Variants in TNFRSF10B observed in about 807,000 individuals in gnomAD.
The protein encoded by TNFRSF10B is TNF receptor superfamily member 10b.
TNFRSF10B carries 35 observed loss-of-function variants against 41.4 expected under a neutral mutation model. The observed-to-expected ratio is 0.85, with a 90% confidence interval of 0.65 to 1.12. The LOEUF is 1.12. Ranked by LOEUF, TNFRSF10B falls within the 50% of genes most tolerant of loss-of-function variation. The pLI is 0.00. For missense variants in TNFRSF10B, 584 were observed against 552.7 expected (o/e 1.06, Z -0.57); for synonymous variants, 230 against 215.5 (o/e 1.07, Z -0.59).
rs116775926 is a variant in TNFRSF10B at position 23,039,179 on chromosome 8, C to T, written c.250+3959G>A. Among the ~76,000 whole-genome samples, 813 of 151,984 alleles carry T rather than the reference C, an allele frequency of 5.3e-3. 8 individuals are homozygous for T. Among genetic ancestry groups the T allele is most frequent in the African/African-American group, 0.018 (733 of 41,440 alleles). On this transcript the variant is annotated intron_variant, in intron 2 of 8. Transcript: ENST00000276431. ...ACGCTCCTATGAAGTCTAATGCTGC[C>T]GCTGATTTGACGGCATGCAGAGCTC...
chr8:23,033,933 C>T (rs1811959580), intron 2 of TNFRSF10B, among the ~76,000 whole-genome samples: 2 of 152,138 alleles, frequency 1.3e-5, no homozygotes, highest in Admixed American at 1.3e-4. Flanking sequence ...TTCCCAAAGG[C>T]ACCATCTCCA....
Position 23,028,576 on chromosome 8 carries a change from C to A in TNFRSF10B, c.503G>T (p.Gly168Val). ...TGCPRGMVKVGDCTPWSDIEC... is the reference protein window; with the variant it reads ...TGCPRGMVKVVDCTPWSDIEC... Reference sequence around the variant, plus strand: ...GATGTCACTCCAGGGTGTACAATCACCGACCTTGACCATCCCTCTGGGACA... The same window carrying A: ...GATGTCACTCCAGGGTGTACAATCAACGACCTTGACCATCCCTCTGGGACA... The change falls in exon 5 of 9, where the codon GGT becomes GTT. Residue 168 changes from glycine (G) to valine (V), a missense_variant. Physicochemically the swap from Gly to Val is moderately radical, Grantham distance 109. Coordinates refer to ENST00000276431, the MANE Select transcript of TNFRSF10B (RefSeq NM_003842.5). 6.2e-7 allele frequency: 1 copy of A among 1,614,110 alleles called. No homozygotes were observed. Among genetic ancestry groups the A allele is most frequent in the African/African-American group, 1.3e-5 (1 of 75,028 alleles).
At chr8:23,064,061 C>T (rs1021436586) in intron 1 of TNFRSF10B, among the ~76,000 whole-genome samples, 3 of 152,234 alleles carry the variant, frequency 2.0e-5, no homozygotes, top group South Asian at 2.1e-4. Flanking sequence ...CGTGGAGTAT[C>T]GGGAACATGG....
chr8:23,029,414 G>A (rs1811810601), intron 4 of TNFRSF10B, among the ~76,000 whole-genome samples, 196 bp downstream of exon 4: 1 of 152,088 alleles, frequency 6.6e-6, no homozygotes, highest in African/African-American at 2.4e-5. Flanking sequence ...CTGGTCAAGG[G>A]GACTCGTGCT....
At chr8:23,043,877 G>A (rs533870110) in intron 1 of TNFRSF10B, among the ~76,000 whole-genome samples, 4 of 152,294 alleles carry the variant, frequency 2.6e-5, no homozygotes, top group Admixed American at 1.3e-4. Context: ...AACCTAGATG[G>A]TGTATCCTAT....
intron 4 of TNFRSF10B, 35 bp downstream of exon 4, chr8:23,029,575 A>C (rs1165295922): frequency 3.7e-5 from 58 of 1,579,384 alleles, no homozygotes; most frequent in Non-Finnish European, 5.0e-5. Flanking sequence ...TTGGGGTTCC[A>C]TGGAGCTACT....
intron 4 of TNFRSF10B, 23 bp from the exon 5 acceptor site, chr8:23,028,625 A>G: frequency 3.1e-6 from 5 of 1,613,228 alleles, no homozygotes; most frequent in Non-Finnish European, 4.2e-6. Flanking sequence ...ACAGAGGGAG[A>G]GGGGGGACTC....
At chr8:23,043,714 T>G (rs777125298) in intron 1 of TNFRSF10B, among the ~76,000 whole-genome samples, 1 of 152,204 alleles carries the variant, frequency 6.6e-6, no homozygotes, top group African/African-American at 2.4e-5. Context: ...AAACATTAAA[T>G]AGTGAACTTC....
rs1032344622 is a variant in TNFRSF10B, at chr8:23,029,857, A to C, written c.365-136T>G. 2.0e-5 allele frequency: 16 copies of C among 788,294 alleles called. No individual in the cohort carries two copies. The Middle Eastern group carries it at 2.7e-3, about 135-fold the overall frequency. 48.8% of individuals were successfully genotyped at this position (788,294 alleles called of 1,614,324 possible). A position where few individuals can be genotyped will look rare whatever the true frequency, so the allele number is the denominator to read the frequency against. ...TCTGAGGGCCAGTTTCTGCACCAGC[A>C]CACTCATGGCTCATTCAGGATACCC... On this transcript the variant is annotated intron_variant, in intron 3 of 8. Coordinates refer to ENST00000276431, the MANE Select transcript of TNFRSF10B (RefSeq NM_003842.5).
At position 23,040,250 on chromosome 8, in the gene TNFRSF10B, AAATATATATTTATTAAATATATATAT is replaced by A. The variant is rs1400826562; in HGVS notation, c.250+2862_250+2887del. ...TAAGATATATACTAAGTATATATTT[AAATATATATTTATTAAATATATATAT>A]AATATATATTTATTAAATATATATA... On this transcript the variant is annotated intron_variant, in intron 2 of 8. Coordinates refer to ENST00000276431, the MANE Select transcript of TNFRSF10B (RefSeq NM_003842.5). Among the ~76,000 whole-genome samples, 7 of 143,232 alleles carry A rather than the reference AAATATATATTTATTAAATATATATAT, an allele frequency of 4.9e-5. 1 individual carries two copies. The highest frequency in any genetic ancestry group is 7.9e-5 in the African/African-American group (3 of 38,008). The allele number at this position is 143,232 out of a possible 152,430, so 94.0% of individuals were successfully genotyped here.
chr8:23,041,603 TAAA>T (rs199893473), intron 2 of TNFRSF10B, among the ~76,000 whole-genome samples: 61 of 121,238 alleles, frequency 5.0e-4, no homozygotes, highest in East Asian at 7.1e-4. Context: ...CTCAATGATT[TAAA>T]AAAAAAAAAA....
rs34761330 is a variant in TNFRSF10B at position 23,055,521 on chromosome 8, T to TAAAAAAAA, written c.145-12286_145-12279dup. ...GTGCTTAAGTTAACTATTAAATGCT[T>TAAAAAAAA]AAAAAAAAAAAAAAAAAAGCCAGTG... On this transcript the variant is annotated intron_variant, in intron 1 of 8. Coordinates refer to ENST00000276431, the MANE Select transcript of TNFRSF10B (RefSeq NM_003842.5). Among the ~76,000 whole-genome samples, 561 of 120,396 alleles carry TAAAAAAAA rather than the reference T, an allele frequency of 4.7e-3. 13 individuals carry two copies. The highest frequency in any genetic ancestry group is 6.0e-3 in the Non-Finnish European group (339 of 56,590). 79.0% of individuals were successfully genotyped at this position (120,396 alleles called of 152,430 possible). A position where few individuals can be genotyped will look rare whatever the true frequency, so the allele number is the denominator to read the frequency against.
intron 1 of TNFRSF10B, chr8:23,068,418 AAAGT>A (rs1813064245): frequency 9.4e-6 from 4 of 426,848 alleles, no homozygotes; most frequent in Non-Finnish European, 8.4e-6. Context: ...AAAGAAACAG[AAAGT>A]AAGGAAAGAA....
At chr8:23,046,402 C>G (rs758180944) in intron 1 of TNFRSF10B, among the ~76,000 whole-genome samples, 1 of 151,478 alleles carries the variant, frequency 6.6e-6, no homozygotes, top group African/African-American at 2.4e-5. Context: ...TGTTAAAAAC[C>G]GTAAAACACT....
At chr8:23,051,969 C>A in intron 1 of TNFRSF10B, among the ~76,000 whole-genome samples, 1 of 152,062 alleles carries the variant, frequency 6.6e-6, no homozygotes, top group Middle Eastern at 3.2e-3. Context: ...AGTTAATAAA[C>A]AAGAATACCT....
rs1563307737 is a variant in TNFRSF10B at position 23,028,573 on chromosome 8, T to A, written c.506A>T (p.Asp169Val). 3 of 1,614,032 alleles carry A rather than the reference T, an allele frequency of 1.9e-6. No individual in the cohort carries two copies. The Admixed American group carries it at 5.0e-5, about 27-fold the overall frequency. The change falls in exon 5 of 9, where the codon GAT becomes GTT. Residue 169 changes from aspartate (D) to valine (V), a missense_variant. By Grantham distance (152) the Asp-to-Val change is radical (BLOSUM62 -3). Coordinates refer to ENST00000276431, the MANE Select transcript of TNFRSF10B (RefSeq NM_003842.5). ...GCPRGMVKVG[D>V]CTPWSDIECV... The stretch of plus-strand genomic sequence containing the variant: ...TTCGATGTCACTCCAGGGTGTACAA[T>A]CACCGACCTTGACCATCCCTCTGGG...
intron 5 of TNFRSF10B, 148 bp downstream of exon 5, chr8:23,028,183 G>A: frequency 1.9e-6 from 2 of 1,063,278 alleles, no homozygotes; most frequent in Admixed American, 2.0e-5. Flanking sequence ...ACGGGATGTG[G>A]GGATGGGGGT....
chr8:23,055,144 T>C (rs1812627604), intron 1 of TNFRSF10B, among the ~76,000 whole-genome samples: 1 of 152,180 alleles, frequency 6.6e-6, no homozygotes, highest in Admixed American at 6.5e-5. Flanking sequence ...TTCCTTTTTC[T>C]CCATTTTCCC....
At chr8:23,049,911 G>C (rs1321278136) in intron 1 of TNFRSF10B, 1 of 152,288 alleles carries the variant, frequency 6.6e-6, no homozygotes, top group Non-Finnish European at 1.5e-5. Flanking sequence ...CAGAAGATAA[G>C]GACAGTGCCG....
Sources: allele counts gnomAD v4.1 joint callset (sites outside exome capture counted in the v4.1 genomes callset), GRCh38; gene constraint gnomAD v4.1.1; transcripts MANE v1.5; gene names NCBI Gene and HGNC (gene_info 2026-07-23, HGNC 2026-07-21).